The following SIPA1L1 variants were observed in gnomAD, a reference collection of about 807,000 sequenced individuals.
SIPA1L1 encodes the protein signal induced proliferation associated 1 like 1, also known as signal-induced proliferation-associated 1-like protein 1.
Under a neutral mutation model 162.7 loss-of-function variants are expected in SIPA1L1, and 26 were observed. That is an observed-to-expected ratio of 0.16 (90% CI 0.12 to 0.22). The LOEUF (loss-of-function observed/expected upper bound fraction) is 0.22, where lower values mean the gene tolerates loss of function less well. Among genes scored for constraint, SIPA1L1 ranks in the 10% least tolerant of loss-of-function variants. The pLI, the probability that SIPA1L1 is intolerant of heterozygous loss-of-function variation, is 1.00. For synonymous variants in SIPA1L1, 829 were observed against 837.4 expected (o/e 0.99, Z 0.17); for missense variants, 1,874 against 2,241.0 (o/e 0.84, Z 3.31).
Position 71,685,502 on chromosome 14 carries a change from C to G in SIPA1L1, c.3245C>G (p.Pro1082Arg). The change falls in exon 13 of 24, where the codon CCG becomes CGG. Residue 1082 changes from proline (P) to arginine (R), a missense_variant. Coordinates refer to ENST00000381232, the MANE Select transcript of SIPA1L1 (RefSeq NM_001386936.1). Reference sequence around the variant, plus strand: ...AAGGGGCCTCATTCACCTCAAGTCCCGTCCCAGGTGCAGAGTCCCATGACC... The same window carrying G: ...AAGGGGCCTCATTCACCTCAAGTCCGGTCCCAGGTGCAGAGTCCCATGACC... Reference protein sequence around the residue: ...ASKGPHSPQVPSQVQSPMTSR... With the variant: ...ASKGPHSPQVRSQVQSPMTSR... 6.2e-7 allele frequency: 1 copy of G among 1,614,202 alleles called. No homozygotes were observed. Among genetic ancestry groups the G allele is most frequent in the South Asian group, 1.1e-5 (1 of 91,084 alleles).
chr14:71,619,075 T>G (rs756188879), intron 6 of SIPA1L1, among the ~76,000 whole-genome samples, 188 bp downstream of exon 6: 26 of 152,230 alleles, frequency 1.7e-4, no homozygotes, highest in Non-Finnish European at 2.5e-4. Context: ...CCTCTTCTTT[T>G]CATCAGACTC....
intron 7 of SIPA1L1, among the ~76,000 whole-genome samples, chr14:71,637,445 T>C (rs116905919): frequency 1.4e-3 from 210 of 152,262 alleles, no homozygotes; most frequent in Non-Finnish European, 2.5e-3. Flanking sequence ...AATTAAACTT[T>C]ATCGAGTTGG....
At chr14:71,614,727 C>G (rs1451681210) in intron 5 of SIPA1L1, among the ~76,000 whole-genome samples, 1 of 152,092 alleles carries the variant, frequency 6.6e-6, no homozygotes, top group Non-Finnish European at 1.5e-5. Context: ...CACCATTCCC[C>G]AAATTCAGAA....
chr14:71,493,759 A>G (rs551876646), intron 2 of SIPA1L1, among the ~76,000 whole-genome samples: 50 of 152,348 alleles, frequency 3.3e-4, no homozygotes, highest in African/African-American at 1.2e-3. Context: ...TGGATTAAGA[A>G]AATTAACGTG....
chr14:71,356,319 A>G (rs2037233171), intron 2 of SIPA1L1, among the ~76,000 whole-genome samples: 1 of 152,024 alleles, frequency 6.6e-6, no homozygotes, highest in African/African-American at 2.4e-5. Flanking sequence ...TGAATAACAG[A>G]TACTTATTAC....
chr14:71,420,223 T>G (rs144564606), intron 2 of SIPA1L1, among the ~76,000 whole-genome samples: 278 of 152,332 alleles, frequency 1.8e-3, no homozygotes, highest in Non-Finnish European at 2.5e-3. Flanking sequence ...GTAATCAAGT[T>G]ATTTTTCTAG....
chr14:71,566,489 T>C (rs140767264), intron 4 of SIPA1L1, among the ~76,000 whole-genome samples: 2 of 152,334 alleles, frequency 1.3e-5, no homozygotes, highest in African/African-American at 4.8e-5. Flanking sequence ...TATAATGCTG[T>C]GGCATTTGAA....
chr14:71,438,108 TTTTAA>T (rs1224591744), intron 2 of SIPA1L1, among the ~76,000 whole-genome samples: 1 of 152,220 alleles, frequency 6.6e-6, no homozygotes, highest in Non-Finnish European at 1.5e-5. Context: ...TGCTGTGCAC[TTTTAA>T]TTTGATTCTC....
At chr14:71,695,462 G>A (rs1030312277) in intron 13 of SIPA1L1, among the ~76,000 whole-genome samples, 3 of 152,216 alleles carry the variant, frequency 2.0e-5, no homozygotes, top group East Asian at 1.9e-4. Flanking sequence ...TTGAGAACTA[G>A]CCTGCGATAT....
At chr14:71,556,799 G>A (rs930576977) in intron 4 of SIPA1L1, among the ~76,000 whole-genome samples, 6 of 152,336 alleles carry the variant, frequency 3.9e-5, no homozygotes, top group South Asian at 4.1e-4. Context: ...GTTGACAACC[G>A]TGTAGAAATG....
rs148871387 is a variant in SIPA1L1, at chr14:71,328,763, G to T, written c.-465+7582G>T. Among the ~76,000 whole-genome samples, 50 of 152,296 alleles carry T rather than the reference G, an allele frequency of 3.3e-4. No individual in the cohort carries two copies. In the East Asian group the frequency reaches 9.6e-3, roughly 29 times the overall value. Reference sequence around the variant, plus strand: ...CATGCAATTTGATAATTGTATGTTGGCACTTCTTTTAAAAAAATTGTGGTA... The same window carrying T: ...CATGCAATTTGATAATTGTATGTTGTCACTTCTTTTAAAAAAATTGTGGTA... On this transcript the variant is annotated intron_variant, in intron 2 of 23. Transcript: ENST00000381232.
chr14:71,734,721 G>A (rs963808779), intron 21 of SIPA1L1, among the ~76,000 whole-genome samples: 2 of 152,116 alleles, frequency 1.3e-5, no homozygotes, highest in African/African-American at 4.8e-5. Context: ...TTTTCAGTGT[G>A]TTGGTTAATC....
At chr14:71,501,932 A>G (rs2050248793) in intron 2 of SIPA1L1, among the ~76,000 whole-genome samples, 1 of 151,140 alleles carries the variant, frequency 6.6e-6, no homozygotes, top group Non-Finnish European at 1.5e-5. Flanking sequence ...TATAGTCCCA[A>G]CTGTTCGGGA....
chr14:71,379,422 C>A (rs1383245957), intron 2 of SIPA1L1: 2 of 151,994 alleles, frequency 1.3e-5, no homozygotes, highest in African/African-American at 4.8e-5. Context: ...TCCCACCTCA[C>A]CCTCCCAAGT....
intron 4 of SIPA1L1, among the ~76,000 whole-genome samples, chr14:71,537,483 G>T (rs532701546): frequency 6.6e-6 from 1 of 152,304 alleles, no homozygotes; most frequent in East Asian, 1.9e-4. Flanking sequence ...GGGATCACAG[G>T]CATGAGCCAC....
intron 2 of SIPA1L1, among the ~76,000 whole-genome samples, chr14:71,455,147 C>T (rs2046098129): frequency 6.6e-6 from 1 of 152,192 alleles, no homozygotes; most frequent in African/African-American, 2.4e-5. Flanking sequence ...TAGTTGCATT[C>T]TGTCTCAGAA....
chr14:71,649,364 G>A (rs2042435899), intron 7 of SIPA1L1, among the ~76,000 whole-genome samples: 2 of 151,832 alleles, frequency 1.3e-5, no homozygotes, highest in African/African-American at 2.4e-5. Context: ...GCTAATTTTT[G>A]TACATTTTGT....
In SIPA1L1 at chr14:71,350,240, C is replaced by CAT. The variant is rs1173524691; in HGVS notation, c.-465+29060_-465+29061insTA. Among the ~76,000 whole-genome samples, 12 of 151,924 alleles carry CAT rather than the reference C, an allele frequency of 7.9e-5. 1 individual carries two copies. The East Asian group carries it at 2.1e-3, about 27-fold the overall frequency. ...CGTCTCTACTAAACACACACACACA[C>CAT]ACACACACACACACACAATTAGCTG... On this transcript the variant is annotated intron_variant, in intron 2 of 23. Coordinates refer to ENST00000381232, the MANE Select transcript of SIPA1L1 (RefSeq NM_001386936.1).
rs138828878 is a variant in SIPA1L1 at position 71,476,215 on chromosome 14, G to A, written c.-464-36528G>A. ...GAAATGAAGGAGGTATGTATAACCC[G>A]GTGGGGTAGAGATGGGCCTGGATTG... On this transcript the variant is annotated intron_variant, in intron 2 of 23. Transcript: ENST00000381232. Among the ~76,000 whole-genome samples the A allele has an allele frequency of 3.9e-5, 6 of 152,298 alleles. No individual in the cohort carries two copies. In the East Asian group the frequency reaches 9.7e-4, roughly 25 times the overall value.
Sources: allele counts gnomAD v4.1 joint callset (sites outside exome capture counted in the v4.1 genomes callset), GRCh38; gene constraint gnomAD v4.1.1; transcripts MANE v1.5; gene names NCBI Gene and HGNC (gene_info 2026-07-23, HGNC 2026-07-21).